Variants in SLC2A12 observed in about 807,000 individuals in gnomAD.
SLC2A12 encodes solute carrier family 2, facilitated glucose transporter member 12.
In SLC2A12, 23 loss-of-function variants were observed where a neutral mutation model predicts 41.8. The ratio of observed to expected loss-of-function variants is 0.55; its 90% CI spans 0.40 to 0.78. SLC2A12 has a LOEUF of 0.78. SLC2A12 is among the 30% of genes least tolerant of loss of function. The probability of loss-of-function intolerance (pLI) is 0.00; values close to 1 mark genes in which losing one functional copy is unlikely to be tolerated. For missense variants in SLC2A12, 654 were observed against 745.6 expected, an observed-to-expected ratio of 0.88 and a Z score of 1.43; for synonymous variants, 295 against 285.9, an observed-to-expected ratio of 1.03 and a Z score of -0.32.
chr6:134,045,050 G>A (rs1777438400), intron 1 of SLC2A12, among the ~76,000 whole-genome samples: 1 of 152,164 alleles, frequency 6.6e-6, no homozygotes, highest in Admixed American at 6.5e-5. Flanking sequence ...GATCCCTCAT[G>A]TGTAGGCTGG....
intron 4 of SLC2A12, among the ~76,000 whole-genome samples, chr6:133,992,952 C>G (rs1479507758): frequency 6.6e-6 from 1 of 152,152 alleles, no homozygotes; most frequent in Non-Finnish European, 1.5e-5. Context: ...CACTTCACTT[C>G]CATTTTGTCC....
Position 134,028,553 on chromosome 6 carries a change from A to G in SLC2A12, c.1272T>C (p.Asn424=). Residue 424 remains asparagine (N), a synonymous_variant, in exon 2 of 5, where the codon AAT becomes AAC. Coordinates refer to ENST00000275230, the MANE Select transcript of SLC2A12 (RefSeq NM_145176.3). ...TCGTCTCCCCTCTCTTATCCACATC[A>G]TTTCTCAGGGGCATGAGTGAGCTTC... is the stretch of plus-strand genomic sequence containing the variant. ...HSRSSLMPLR[N]DVDKRGETTS... 6.2e-7 allele frequency: 1 copy of G among 1,614,068 alleles called. No homozygotes were observed. Among genetic ancestry groups the G allele is most frequent in the African/African-American group, 1.3e-5 (1 of 74,996 alleles).
At chr6:134,016,546 GTTTT>G (rs1313527105) in intron 2 of SLC2A12, among the ~76,000 whole-genome samples, 1 of 152,014 alleles carries the variant, frequency 6.6e-6, no homozygotes, top group Non-Finnish European at 1.5e-5. Context: ...GGAATCTTGT[GTTTT>G]TTGTCAACAT....
intron 2 of SLC2A12, among the ~76,000 whole-genome samples, chr6:134,015,609 C>T (rs1776949975): frequency 6.6e-6 from 1 of 152,162 alleles, no homozygotes; most frequent in Admixed American, 6.5e-5. Context: ...AGAGAAAAAG[C>T]CTTTGACTGT....
In SLC2A12 at chr6:133,988,981, T is replaced by C. The variant is rs1412329664; in HGVS notation, c.*2174A>G. 6.6e-6 allele frequency: 1 copy of C among 152,194 alleles called. No homozygotes were observed. Among genetic ancestry groups the C allele is most frequent in the African/African-American group, 2.4e-5 (1 of 41,456 alleles). 9.4% of individuals were successfully genotyped at this position (152,194 alleles called of 1,614,324 possible). On this transcript the variant is annotated 3_prime_UTR_variant, in exon 5 of 5. Coordinates refer to ENST00000275230, the MANE Select transcript of SLC2A12 (RefSeq NM_145176.3). ...TCCAGATGATGTAACCTTTTTAGTA[T>C]TCGCATGACTTGAAAACTGGGCAGA... is the stretch of plus-strand genomic sequence containing the variant.
intron 1 of SLC2A12, among the ~76,000 whole-genome samples, chr6:134,040,021 T>A (rs992153649): frequency 5.9e-5 from 9 of 151,810 alleles, no homozygotes; most frequent in Non-Finnish European, 7.4e-5. Flanking sequence ...GCCTCTTTTT[T>A]AAAAATAAAT....
intron 2 of SLC2A12, among the ~76,000 whole-genome samples, chr6:134,019,008 C>T (rs9389127): frequency 0.13 from 19,632 of 152,248 alleles, 1,500 homozygotes; most frequent in East Asian, 0.18. Context: ...TTGGTGTCAT[C>T]TGTCACTTGA....
In SLC2A12 at chr6:133,990,159, A is replaced by G. The variant is rs1035349719; in HGVS notation, c.*996T>C. 2.0e-5 allele frequency: 3 copies of G among 152,654 alleles called. No individual in the cohort carries two copies. Among genetic ancestry groups the G allele is most frequent in the Non-Finnish European group, 4.4e-5 (3 of 68,044 alleles). The allele number at this position is 152,654 out of a possible 1,614,324, so 9.5% of individuals were successfully genotyped here. A position where few individuals can be genotyped will look rare whatever the true frequency, so the allele number is the denominator to read the frequency against. On this transcript the variant is annotated 3_prime_UTR_variant, in exon 5 of 5. Coordinates refer to ENST00000275230, the MANE Select transcript of SLC2A12 (RefSeq NM_145176.3). ...TTGTCCTGATGTCTGAATGTCATTT[A>G]TTGTGTCTTCAGTTATCTGAACATC...
chr6:134,019,054 C>A (rs915274289), intron 2 of SLC2A12, among the ~76,000 whole-genome samples: 1 of 152,130 alleles, frequency 6.6e-6, no homozygotes, highest in Non-Finnish European at 1.5e-5. Context: ...GGATGACAGT[C>A]GCAGCTTTAT....
chr6:134,032,481 T>A (rs1338160303), intron 1 of SLC2A12, among the ~76,000 whole-genome samples: 1 of 71,696 alleles, frequency 1.4e-5, no homozygotes, highest in African/African-American at 4.6e-5. Context: ...TATATATATA[T>A]ATATATTTGT....
intron 1 of SLC2A12, among the ~76,000 whole-genome samples, chr6:134,052,076 A>G (rs1409672972): frequency 1.3e-5 from 2 of 152,148 alleles, no homozygotes; most frequent in African/African-American, 2.4e-5. Context: ...TGTAAACACA[A>G]TCAAGGGGAC....
At chr6:133,999,558 G>T (rs922174520) in intron 4 of SLC2A12, among the ~76,000 whole-genome samples, 1 of 152,176 alleles carries the variant, frequency 6.6e-6, no homozygotes, top group African/African-American at 2.4e-5. Context: ...ACCTTGGAAA[G>T]TTGCCCTGAG....
chr6:134,028,787 G>A lies in SLC2A12; in HGVS notation c.1038C>T (p.Phe346=). The change falls in exon 2 of 5, where the codon TTC becomes TTT. Residue 346 remains phenylalanine, a synonymous_variant. Coordinates refer to ENST00000275230, the MANE Select transcript of SLC2A12 (RefSeq NM_145176.3). The part of the protein sequence containing the change: ...LLVDHVGSKT[F]LCIGSSVMAA... ...CCATCACAGAGGAGCCAATGCAGAG[G>A]AATGTTTTGCTGCCGACATGGTCTA... 1 of 1,614,220 alleles carries A rather than the reference G, an allele frequency of 6.2e-7. No homozygotes were observed. Among genetic ancestry groups the A allele is most frequent in the Non-Finnish European group, 8.5e-7 (1 of 1,180,044 alleles).
rs1371352758 is a variant in SLC2A12, at chr6:134,028,000, AT to A, written c.1444+380del. On this transcript the variant is annotated intron_variant, in intron 2 of 4. Transcript: ENST00000275230. ...GTCTTTAAGAAAATCTAAACCCTTG[AT>A]TTTTTTCCTTCTACATAGGAAGAAA... Among the ~76,000 whole-genome samples the A allele has an allele frequency of 2.6e-5, 4 of 152,218 alleles. No individual in the cohort carries two copies. The South Asian group carries it at 6.2e-4, about 24-fold the overall frequency.
At chr6:134,038,705 T>TTG (rs1480536939) in intron 1 of SLC2A12, among the ~76,000 whole-genome samples, 2 of 129,542 alleles carry the variant, frequency 1.5e-5, no homozygotes, top group African/African-American at 6.2e-5. Context: ...CTTTCCTTTT[T>TTG]TTTTTTTTTT....
chr6:133,994,278 G>A (rs1454070312), intron 4 of SLC2A12, among the ~76,000 whole-genome samples: 1 of 152,182 alleles, frequency 6.6e-6, no homozygotes, highest in African/African-American at 2.4e-5. Context: ...ATAGGTTTGA[G>A]AACATCACAG....
chr6:133,995,713 G>A (rs1161240977), intron 4 of SLC2A12, among the ~76,000 whole-genome samples: 2 of 152,206 alleles, frequency 1.3e-5, no homozygotes, highest in African/African-American at 2.4e-5. Context: ...ACTTTAAAGT[G>A]TAAATCAGAT....
rs1437164232 is a variant in SLC2A12 at position 133,991,250 on chromosome 6, T to C, written c.1759A>G (p.Lys587Glu). The C allele has an allele frequency of 1.9e-6, 3 of 1,614,130 alleles. No homozygotes were observed. The highest frequency in any genetic ancestry group is 1.7e-5 in the Admixed American group (1 of 60,014). ...MSHHQEELVP[K>E]QPQKRKPQEQ... ...TGGGGTTTTCTTTTTTGAGGCTGTT[T>C]TGGCACTAATTCTTCTTGGTGATGA... is the stretch of plus-strand genomic sequence containing the variant. The change falls in exon 5 of 5, where the codon AAA (lysine) becomes GAA (glutamate). Residue 587 changes from lysine (K) to glutamate (E), a missense_variant. Around this residue, in one of 3 missense-constraint regions of SLC2A12, gnomAD observed 134 missense variants for 180.5 expected, o/e 0.74. Transcript: ENST00000275230.
At chr6:134,001,017 G>A (rs887686605) in intron 4 of SLC2A12, among the ~76,000 whole-genome samples, 19 of 152,038 alleles carry the variant, frequency 1.2e-4, no homozygotes, top group African/African-American at 4.4e-4. Context: ...TGTGAACATG[G>A]TATATCTACA....
Sources: gnomAD v4.1 joint callset for allele counts (sites outside exome capture counted in the v4.1 genomes callset) on GRCh38, gnomAD v4.1.1 for gene constraint, gnomAD v4.1.1 regional missense constraint, MANE v1.5 for transcripts, NCBI Gene and HGNC (gene_info 2026-07-23, HGNC 2026-07-21) for gene names.